Variants in WDR7 observed in about 807,000 individuals in gnomAD.
WDR7 encodes WD repeat domain 7, also known as WD repeat-containing protein 7.
Under a neutral mutation model 169.4 loss-of-function variants are expected in WDR7, and 46 were observed. That is an observed-to-expected ratio of 0.27 (90% CI 0.21 to 0.35). WDR7 has a LOEUF of 0.35. WDR7 is among the 10% of genes least tolerant of loss of function. The probability of loss-of-function intolerance (pLI) is 1.00; values close to 1 mark genes in which losing one functional copy is unlikely to be tolerated. For missense variants in WDR7, 1,534 were observed against 1,859.3 expected, an observed-to-expected ratio of 0.83 and a Z score of 3.22; for synonymous variants, 612 against 666.8, an observed-to-expected ratio of 0.92 and a Z score of 1.27.
intron 12 of WDR7, among the ~76,000 whole-genome samples, chr18:56,698,079 C>G (rs2025742582): frequency 6.6e-6 from 1 of 151,990 alleles, no homozygotes; most frequent in Admixed American, 6.6e-5. Context: ...CCTGTAATCC[C>G]AGCTCCTTAG....
chr18:56,714,031 A>G (rs2026139168), intron 12 of WDR7, among the ~76,000 whole-genome samples: 1 of 152,216 alleles, frequency 6.6e-6, no homozygotes, highest in Non-Finnish European at 1.5e-5. Flanking sequence ...CACTTAAATA[A>G]GCTAGACATT....
chr18:56,729,311 CAT>C (rs1366482581), intron 13 of WDR7, among the ~76,000 whole-genome samples: 4 of 152,016 alleles, frequency 2.6e-5, no homozygotes, highest in Non-Finnish European at 1.5e-5. Context: ...TATTTAAAAA[CAT>C]AATATGATAT....
At chr18:56,948,597 A>T (rs17090451) in intron 25 of WDR7, among the ~76,000 whole-genome samples, 2,394 of 152,278 alleles carry the variant, frequency 0.016, 56 homozygotes, top group African/African-American at 0.052. Context: ...TTAAGCAGTG[A>T]CCTTACTGCA....
intron 25 of WDR7, among the ~76,000 whole-genome samples, chr18:56,941,650 T>C (rs1275831400): frequency 1.3e-5 from 2 of 152,214 alleles, no homozygotes; most frequent in Non-Finnish European, 2.9e-5. Flanking sequence ...AGCAGGTCCT[T>C]GAATAATGTC....
chr18:56,808,102 C>T (rs192114979), intron 19 of WDR7, among the ~76,000 whole-genome samples: 60 of 152,180 alleles, frequency 3.9e-4, no homozygotes, highest in Non-Finnish European at 7.1e-4. Context: ...GGCTGTGGAT[C>T]GATAGAAGTG....
chr18:56,676,175 C>T (rs755003131), intron 2 of WDR7, among the ~76,000 whole-genome samples: 1 of 152,074 alleles, frequency 6.6e-6, no homozygotes, highest in Non-Finnish European at 1.5e-5. Context: ...CCTGTTTTGT[C>T]TAAGTGTACC....
At chr18:56,771,494 G>C (rs918483758) in intron 16 of WDR7, among the ~76,000 whole-genome samples, 3 of 151,870 alleles carry the variant, frequency 2.0e-5, no homozygotes, top group Non-Finnish European at 4.4e-5. Flanking sequence ...GGCTGAGGTA[G>C]GTGGATTGCT....
intron 8 of WDR7, 33 bp downstream of exon 8, chr18:56,691,394 CA>C (rs1191020463): frequency 6.5e-7 from 1 of 1,542,440 alleles, no homozygotes; most frequent in Non-Finnish European, 8.7e-7. Context: ...GGACAGTCAT[CA>C]AAAGTAAAAG....
chr18:57,017,430 GTGTGTGTGTGTGTGCA>G (rs1447815051), intron 26 of WDR7, among the ~76,000 whole-genome samples: 1 of 148,688 alleles, frequency 6.7e-6, no homozygotes, highest in Non-Finnish European at 1.5e-5. Context: ...GTGTGTGTGT[GTGTGTGTGTGTGTGCA>G]TGTGTGTGTG....
At chr18:56,937,162 G>T (rs9953266) in intron 23 of WDR7, among the ~76,000 whole-genome samples, 9,152 of 152,090 alleles carry the variant, frequency 0.06, 869 homozygotes, top group African/African-American at 0.2. Context: ...CCCATGCTTT[G>T]AATTCATTCT....
chr18:57,031,261 T>G (rs1473957440), downstream of WDR7: 3 of 152,220 alleles, frequency 2.0e-5, no homozygotes, highest in Non-Finnish European at 1.5e-5. Flanking sequence ...GAACTTAATT[T>G]TTTTTCTAGT....
intron 21 of WDR7, among the ~76,000 whole-genome samples, chr18:56,895,488 ATT>A (rs59350751): frequency 9.2e-5 from 14 of 151,358 alleles, no homozygotes; most frequent in Middle Eastern, 3.4e-3. Flanking sequence ...TTTTTTAAAA[ATT>A]TTTTTTACAG....
intron 14 of WDR7, among the ~76,000 whole-genome samples, chr18:56,754,273 GTGTGTGTGTGTGTA>G (rs1302316304): frequency 6.8e-6 from 1 of 146,880 alleles, no homozygotes; most frequent in Non-Finnish European, 1.5e-5. Flanking sequence ...GTGTGTGTGT[GTGTGTGTGTGTGTA>G]TATGTGTGTG....
At chr18:56,774,925 A>C (rs1419704253) in intron 16 of WDR7, among the ~76,000 whole-genome samples, 1 of 152,130 alleles carries the variant, frequency 6.6e-6, no homozygotes, top group African/African-American at 2.4e-5. Flanking sequence ...TCATTTAAAT[A>C]TGACTTCAAA....
chr18:57,009,910 C>G, intron 26 of WDR7: 2 of 985,404 alleles, frequency 2.0e-6, no homozygotes, highest in Non-Finnish European at 2.4e-6. Flanking sequence ...ACTGCTCTAA[C>G]CAAACCATCT....
At chr18:56,884,780 A>G (rs949531553) in intron 21 of WDR7, among the ~76,000 whole-genome samples, 2 of 152,178 alleles carry the variant, frequency 1.3e-5, no homozygotes, top group East Asian at 3.8e-4. Context: ...GATCCTCCCT[A>G]TACTACCACA....
intron 16 of WDR7, among the ~76,000 whole-genome samples, chr18:56,772,365 A>G (rs1002522487): frequency 1.3e-5 from 2 of 152,132 alleles, no homozygotes; most frequent in African/African-American, 4.8e-5. Context: ...CAGTGAAGGA[A>G]AGTCTCAGGA....
rs574038137 is a variant in WDR7, at chr18:56,918,004, T to C, written c.3527-5918T>C. ...GCCAGAGGGTCTAAGTTGTGATGTATCCAATGCTGGATTTTAAGTGTTTTC... is the reference window on the plus strand; with the variant it reads ...GCCAGAGGGTCTAAGTTGTGATGTACCCAATGCTGGATTTTAAGTGTTTTC... On this transcript the variant is annotated intron_variant, in intron 21 of 27. Transcript: ENST00000254442. Among the ~76,000 whole-genome samples, 162 of 152,326 alleles carry C rather than the reference T, an allele frequency of 1.1e-3. 1 individual carries two copies. Among genetic ancestry groups the C allele is most frequent in the African/African-American group, 3.8e-3 (158 of 41,580 alleles).
intron 21 of WDR7, among the ~76,000 whole-genome samples, chr18:56,881,391 C>T (rs1258990315): frequency 6.6e-6 from 1 of 151,928 alleles, no homozygotes; most frequent in Admixed American, 6.6e-5. Context: ...TAAAGTGGAT[C>T]CCTCTTATCT....
Sources: gnomAD v4.1 joint callset for allele counts (sites outside exome capture counted in the v4.1 genomes callset) on GRCh38, gnomAD v4.1.1 for gene constraint, MANE v1.5 for transcripts, NCBI Gene and HGNC (gene_info 2026-07-23, HGNC 2026-07-21) for gene names.